EXOC6: variants seen among roughly 807,000 people sequenced by gnomAD.
The protein encoded by EXOC6 is SEC15-like 1.
A neutral mutation model predicts 112.5 loss-of-function variants in EXOC6; 60 were observed. The observed-to-expected ratio is 0.53, with a 90% CI of 0.43 to 0.66. The LOEUF (loss-of-function observed/expected upper bound fraction) is 0.66. Ranked by LOEUF, EXOC6 falls within the 30% of genes least tolerant of loss-of-function variation. The pLI, the probability that EXOC6 is intolerant of heterozygous loss-of-function variation, is 0.00. For synonymous variants in EXOC6, 295 were observed against 308.0 expected, an observed-to-expected ratio of 0.96 and a Z score of 0.44; for missense variants, 855 against 957.1, an observed-to-expected ratio of 0.89 and a Z score of 1.41.
intron 18 of EXOC6, among the ~76,000 whole-genome samples, chr10:92,996,068 G>A (rs78445463): frequency 0.013 from 1,971 of 152,202 alleles, 45 homozygotes; most frequent in African/African-American, 0.045. Context: ...TTTTGGTCAC[G>A]ATTTTGTAGC....
At chr10:92,965,387 C>T (rs972249191) in intron 17 of EXOC6, among the ~76,000 whole-genome samples, 1 of 152,080 alleles carries the variant, frequency 6.6e-6, no homozygotes, top group Admixed American at 6.6e-5. Flanking sequence ...TCAAATTATG[C>T]TAGATACATT....
rs111472007 is a variant in EXOC6 at position 92,948,144 on chromosome 10, TC to T, written c.1311-128del. On this transcript the variant is annotated intron_variant, in intron 13 of 21. Coordinates refer to ENST00000260762, the MANE Select transcript of EXOC6 (RefSeq NM_019053.6). ...AATTCTGGATGCTTAGGCAGTATCT[TC>T]CTGTTTGGACCTTTAATAGACAAGT... 3.6e-3 allele frequency: 1,969 copies of T among 542,248 alleles called. 36 individuals are homozygous for T. The highest frequency in any genetic ancestry group is 0.034 in the African/African-American group (1,705 of 50,462). The allele number at this position is 542,248 out of a possible 1,614,324, so 33.6% of individuals were successfully genotyped here.
chr10:93,027,788 C>T (rs917753252), intron 20 of EXOC6, among the ~76,000 whole-genome samples: 5 of 152,344 alleles, frequency 3.3e-5, no homozygotes, highest in Middle Eastern at 3.4e-3. Context: ...CACTCAAGAA[C>T]TCTGATGGAT....
At chr10:92,973,939 A>T (rs1842398230) in intron 17 of EXOC6, 114 bp from the exon 18 acceptor site, 7 of 905,552 alleles carry the variant, frequency 7.7e-6, no homozygotes, top group Non-Finnish European at 9.6e-6. Context: ...CTGGACTTTG[A>T]ATAAATGGCT....
At position 92,984,883 on chromosome 10, in the gene EXOC6, CAG is replaced by C. The variant is rs1179194918; in HGVS notation, c.1953+10652_1953+10653del. ...GTGTGGTGGCACACACCTGTAGTCC[CAG>C]CTACTTGGGAGGCTAAGGTGGGAGG... On this transcript the variant is annotated intron_variant, in intron 18 of 21. Coordinates refer to ENST00000260762, the MANE Select transcript of EXOC6 (RefSeq NM_019053.6). Among the ~76,000 whole-genome samples the C allele has an allele frequency of 3.3e-5, 5 of 152,116 alleles. 1 individual carries two copies. In the South Asian group the frequency reaches 1.0e-3, roughly 32 times the overall value.
intron 8 of EXOC6, among the ~76,000 whole-genome samples, chr10:92,925,009 T>C (rs1287237459): frequency 6.6e-6 from 1 of 152,220 alleles, no homozygotes; most frequent in Admixed American, 6.5e-5. Context: ...TTTATCCTTT[T>C]TTATATCCCT....
intron 20 of EXOC6, among the ~76,000 whole-genome samples, chr10:93,045,367 TTGA>T (rs1377903695): frequency 2.6e-5 from 4 of 152,220 alleles, no homozygotes; most frequent in African/African-American, 9.6e-5. Flanking sequence ...GTCATAACCA[TTGA>T]GGTGGGGCAA....
chr10:92,899,782 G>A (rs963451055), intron 5 of EXOC6, 138 bp downstream of exon 5: 43 of 566,704 alleles, frequency 7.6e-5, no homozygotes, highest in Non-Finnish European at 4.0e-5. Context: ...TAAAATTTGC[G>A]CATCAGGATA....
upstream of EXOC6, among the ~76,000 whole-genome samples, chr10:92,847,801 C>A (rs1483140319): frequency 6.7e-6 from 1 of 148,534 alleles, no homozygotes; most frequent in Non-Finnish European, 1.5e-5. Context: ...CCTGAGTTCA[C>A]GGACTTTGGT....
chr10:92,955,820 T>C, intron 17 of EXOC6, 106 bp downstream of exon 17: 5 of 1,036,664 alleles, frequency 4.8e-6, no homozygotes, highest in Non-Finnish European at 6.8e-6. Flanking sequence ...TTCCTAAAAA[T>C]TAAGAATAGA....
intron 5 of EXOC6, among the ~76,000 whole-genome samples, chr10:92,902,066 TTACACACACACACA>T (rs1850205385): frequency 6.6e-6 from 1 of 151,274 alleles, no homozygotes; most frequent in Admixed American, 6.6e-5. Context: ...GGTGGACTTA[TTACACACACACACA>T]TACACACACA....
At chr10:92,963,858 T>G (rs963638477) in intron 17 of EXOC6, among the ~76,000 whole-genome samples, 1 of 152,190 alleles carries the variant, frequency 6.6e-6, no homozygotes, top group Non-Finnish European at 1.5e-5. Flanking sequence ...CCTACAAGCT[T>G]TTCATGGCTT....
At chr10:92,911,943 G>C (rs1459450283) in intron 6 of EXOC6, among the ~76,000 whole-genome samples, 1 of 48,310 alleles carries the variant, frequency 2.1e-5, no homozygotes, top group African/African-American at 6.8e-5. Flanking sequence ...GTGTGCGTGT[G>C]TGTGTGTGTG....
At chr10:92,949,614 C>T (rs1157846049) in intron 14 of EXOC6, among the ~76,000 whole-genome samples, 5 of 137,226 alleles carry the variant, frequency 3.6e-5, no homozygotes, top group South Asian at 2.4e-4. Context: ...TTTTTTGAGA[C>T]GGAGTTTTGC....
chr10:92,986,872 C>T (rs773049739), intron 18 of EXOC6, among the ~76,000 whole-genome samples: 6 of 151,884 alleles, frequency 4.0e-5, no homozygotes, highest in African/African-American at 9.7e-5. Context: ...TACAGAACTA[C>T]GGCAGGGGCA....
intron 20 of EXOC6, among the ~76,000 whole-genome samples, chr10:93,047,458 C>A (rs1458468008): frequency 1.3e-5 from 2 of 151,994 alleles, no homozygotes; most frequent in African/African-American, 4.8e-5. Flanking sequence ...ATCACTTGAA[C>A]CCAGGAGGCA....
At chr10:92,845,928 A>C (rs1209796126), upstream of EXOC6, among the ~76,000 whole-genome samples, 1 of 152,240 alleles carries the variant, frequency 6.6e-6, no homozygotes, top group Non-Finnish European at 1.5e-5. Flanking sequence ...ACAAAAGCGA[A>C]ACTCTGTCTC....
At chr10:92,828,967 C>T (rs1271679928) in intron 1 of EXOC6, among the ~76,000 whole-genome samples, 1 of 151,920 alleles carries the variant, frequency 6.6e-6, no homozygotes, top group Non-Finnish European at 1.5e-5. Context: ...AAGCAGCCTC[C>T]AAATCATTTT....
upstream of EXOC6, among the ~76,000 whole-genome samples, chr10:92,843,521 G>A (rs1846935341): frequency 6.6e-6 from 1 of 152,320 alleles, no homozygotes; most frequent in East Asian, 1.9e-4. Flanking sequence ...GGGTGAGGAG[G>A]GGAATCTTTT....
Sources: gnomAD v4.1 joint callset for allele counts (sites outside exome capture counted in the v4.1 genomes callset) on GRCh38, gnomAD v4.1.1 for gene constraint, MANE v1.5 for transcripts, NCBI Gene and HGNC (gene_info 2026-07-23, HGNC 2026-07-21) for gene names.